ALPK1: variants seen among roughly 807,000 people sequenced by gnomAD.
The protein encoded by ALPK1 is alpha-protein kinase 1.
In ALPK1, 110 loss-of-function variants were observed where a neutral mutation model predicts 120.6. That is an observed-to-expected ratio of 0.91 (90% CI 0.78 to 1.07). ALPK1 has a LOEUF of 1.07. Ranked by LOEUF, ALPK1 falls within the 50% of genes least tolerant of loss-of-function variation. ALPK1 has a pLI of 0.00. For missense variants in ALPK1, 1,498 were observed against 1,483.9 expected (o/e 1.01, Z -0.16); for synonymous variants, 582 against 560.3 (o/e 1.04, Z -0.55).
chr4:112,414,527 G>T (rs1733645242), intron 5 of ALPK1: 1 of 301,848 alleles, frequency 3.3e-6, no homozygotes, highest in Non-Finnish European at 6.9e-6. Flanking sequence ...AGAATCACTT[G>T]AACTCCGGAG....
intron 4 of ALPK1, among the ~76,000 whole-genome samples, chr4:112,400,108 A>G (rs1012297375): frequency 6.6e-6 from 1 of 152,228 alleles, no homozygotes; most frequent in Admixed American, 6.5e-5. Flanking sequence ...CTTTGGATAT[A>G]TACCCAGTAA....
chr4:112,367,641 A>G (rs1465833668), intron 2 of ALPK1, among the ~76,000 whole-genome samples: 3 of 152,184 alleles, frequency 2.0e-5, no homozygotes, highest in Non-Finnish European at 1.5e-5. Context: ...TCTCCCGTGG[A>G]TACAGAAAAT....
At position 112,432,365 on chromosome 4, in the gene ALPK1, G is replaced by C. The variant is rs1734604774; in HGVS notation, c.2818G>C (p.Gly940Arg). ...GCTGAAATCACCTGCATTTTCCAGT[G>C]GTTCTTCTGAGGGGGACAGCCCTTG... ...WWLKSPAFSS[G>R]SSEGDSPWSY... is the part of the protein sequence containing the mutation. The change falls in exon 11 of 16, where the codon GGT becomes CGT. Residue 940 changes from glycine (G) to arginine (R), a missense_variant. Coordinates refer to ENST00000650871, the MANE Select transcript of ALPK1 (RefSeq NM_025144.4). 6.2e-7 allele frequency: 1 copy of C among 1,613,860 alleles called. No homozygotes were observed. Among genetic ancestry groups the C allele is most frequent in the Non-Finnish European group, 8.5e-7 (1 of 1,180,016 alleles).
At chr4:112,357,979 G>A (rs780434597) in intron 2 of ALPK1, 3 of 694,856 alleles carry the variant, frequency 4.3e-6, no homozygotes, top group Non-Finnish European at 5.3e-6. Flanking sequence ...CCACCTTCCT[G>A]GCGGTATGCC....
At position 112,409,969 on chromosome 4, in the gene ALPK1, T is replaced by C. The variant is rs528159714; in HGVS notation, c.277-1858T>C. On this transcript the variant is annotated intron_variant, in intron 4 of 15. Transcript: ENST00000650871. ...CATTGGCAGTTTAAAAATCTTAACA[T>C]GTTAAGTAAGCATCAGTTTTAAAAA... Among the ~76,000 whole-genome samples, 223 of 152,334 alleles carry C rather than the reference T, an allele frequency of 1.5e-3. 1 individual carries two copies. Among genetic ancestry groups the C allele is most frequent in the African/African-American group, 5.1e-3 (210 of 41,572 alleles).
At chr4:112,313,752 G>A (rs749513036) in intron 1 of ALPK1, among the ~76,000 whole-genome samples, 1 of 151,976 alleles carries the variant, frequency 6.6e-6, no homozygotes, top group African/African-American at 2.4e-5. Context: ...AAGAATTGAC[G>A]GCTGGATTTA....
intron 9 of ALPK1, 53 bp from the exon 10 acceptor site, chr4:112,429,095 TG>T (rs1734406659): frequency 6.7e-7 from 1 of 1,482,672 alleles, no homozygotes; most frequent in Non-Finnish European, 9.4e-7. Context: ...GCCTGTTTTT[TG>T]CTCATCGATA....
At chr4:112,340,650 T>C (rs773223140) in intron 2 of ALPK1, among the ~76,000 whole-genome samples, 1 of 152,226 alleles carries the variant, frequency 6.6e-6, no homozygotes, top group Non-Finnish European at 1.5e-5. Flanking sequence ...CTCAACCCTT[T>C]TCACCTGAAA....
chr4:112,424,122 G>A (rs1347034174), intron 6 of ALPK1, 119 bp downstream of exon 6: 2 of 898,850 alleles, frequency 2.2e-6, no homozygotes, highest in Admixed American at 2.7e-5. Context: ...AGCTATCTGG[G>A]GCTGGCTCTG....
chr4:112,330,510 G>A (rs1303954095), intron 2 of ALPK1, among the ~76,000 whole-genome samples: 2 of 152,076 alleles, frequency 1.3e-5, no homozygotes, highest in Admixed American at 6.6e-5. Flanking sequence ...CCTTGTTTTC[G>A]CAACTGGTTA....
In ALPK1 at chr4:112,364,141, G is replaced by A. The variant is rs567347452; in HGVS notation, c.-100-13537G>A. 1.0e-3 allele frequency among the ~76,000 whole-genome samples: 157 copies of A among 151,986 alleles called. 1 individual carries two copies. Among genetic ancestry groups the A allele is most frequent in the Non-Finnish European group, 2.0e-3 (135 of 67,924 alleles). ...GCACAAATAGGCAATCTAAGGTCAC[G>A]CCTCAAGGAACTAGAGAAACTAGAA... is the stretch of plus-strand genomic sequence containing the variant. On this transcript the variant is annotated intron_variant, in intron 2 of 15. Coordinates refer to ENST00000650871, the MANE Select transcript of ALPK1 (RefSeq NM_025144.4).
intron 2 of ALPK1, among the ~76,000 whole-genome samples, chr4:112,363,585 TAGAC>T (rs1362694612): frequency 6.6e-6 from 1 of 151,726 alleles, no homozygotes; most frequent in Non-Finnish European, 1.5e-5. Context: ...AGAAATGAGA[TAGAC>T]AGCAACACAA....
chr4:112,432,605 TC>T (rs1275655182), intron 11 of ALPK1, 24 bp downstream of exon 11: 9 of 1,592,382 alleles, frequency 5.7e-6, no homozygotes, highest in Non-Finnish European at 6.8e-6. Context: ...TTTCAATAGT[TC>T]CCCCCTCAGG....
intron 2 of ALPK1, chr4:112,358,079 C>T: frequency 1.7e-6 from 1 of 585,008 alleles, no homozygotes. Context: ...CGCATGGACC[C>T]CCTGGTTGTC....
intron 3 of ALPK1, among the ~76,000 whole-genome samples, chr4:112,380,885 G>T (rs1403622115): frequency 4.6e-5 from 7 of 152,180 alleles, no homozygotes; most frequent in African/African-American, 1.7e-4. Flanking sequence ...GCTGAAAAGA[G>T]CCTGCTCCCT....
intron 4 of ALPK1, among the ~76,000 whole-genome samples, chr4:112,392,686 C>T (rs1732472075): frequency 6.6e-6 from 1 of 152,124 alleles, no homozygotes; most frequent in South Asian, 2.1e-4. Flanking sequence ...GTCACCATGC[C>T]TGGCTAATTT....
At chr4:112,428,119 C>T (rs1282852155) in intron 9 of ALPK1, 2 of 158,772 alleles carry the variant, frequency 1.3e-5, no homozygotes, top group Non-Finnish European at 2.8e-5. Flanking sequence ...CACTTTACAA[C>T]TCAAGAAAGT....
At position 112,432,308 on chromosome 4, in the gene ALPK1, A is replaced by G; in HGVS notation, c.2761A>G (p.Ser921Gly). Residue 921 changes from serine to glycine, a missense_variant, in exon 11 of 16, where the codon AGC becomes GGC. Ser to Gly is a moderately conservative substitution (Grantham distance 56). Coordinates refer to ENST00000650871, the MANE Select transcript of ALPK1 (RefSeq NM_025144.4). Reference protein sequence around the residue: ...GNQPGNMLNCSQNSSSSSVWW... With the variant: ...GNQPGNMLNCGQNSSSSSVWW... ...TCAGCCTGGAAACATGCTAAACTGCAGCCAGAACTCCAGCTCATCCTCAGT... is the reference window on the plus strand; with the variant it reads ...TCAGCCTGGAAACATGCTAAACTGCGGCCAGAACTCCAGCTCATCCTCAGT... 1 of 1,614,244 alleles carries G rather than the reference A, an allele frequency of 6.2e-7. No homozygotes were observed.
At chr4:112,404,490 G>T (rs996303609) in intron 4 of ALPK1, among the ~76,000 whole-genome samples, 2 of 152,130 alleles carry the variant, frequency 1.3e-5, no homozygotes, top group African/African-American at 4.8e-5. Flanking sequence ...AACTTGCCGT[G>T]GCAAATAAGT....
Sources: allele counts gnomAD v4.1 joint callset (sites outside exome capture counted in the v4.1 genomes callset), GRCh38; gene constraint gnomAD v4.1.1; transcripts MANE v1.5; gene names NCBI Gene and HGNC (gene_info 2026-07-23, HGNC 2026-07-21).